The following CDK14 variants were observed in gnomAD, a reference collection of about 807,000 sequenced individuals.
The protein encoded by CDK14 is cyclin dependent kinase 14.
CDK14 carries 34 observed loss-of-function variants against 60.7 expected under a neutral mutation model. The observed-to-expected ratio is 0.56, with a 90% CI of 0.43 to 0.75. The LOEUF (loss-of-function observed/expected upper bound fraction) is 0.75. Among genes scored for constraint, CDK14 ranks in the 30% least tolerant of loss-of-function variants. The pLI, the probability that CDK14 is intolerant of heterozygous loss-of-function variation, is 0.00. For missense variants in CDK14, 482 were observed against 564.1 expected, an observed-to-expected ratio of 0.85 and a Z score of 1.47; for synonymous variants, 197 against 203.7, an observed-to-expected ratio of 0.97 and a Z score of 0.28.
intron 3 of CDK14, among the ~76,000 whole-genome samples, chr7:90,738,634 G>A (rs903013960): frequency 6.6e-6 from 1 of 152,104 alleles, no homozygotes; most frequent in Non-Finnish European, 1.5e-5. Context: ...TTAGCCCTCT[G>A]TATTTCCACG....
At chr7:90,860,896 C>T (rs1016909562) in intron 5 of CDK14, among the ~76,000 whole-genome samples, 1 of 152,134 alleles carries the variant, frequency 6.6e-6, no homozygotes, top group Non-Finnish European at 1.5e-5. Context: ...AGAGGTAAAG[C>T]CAGCTATTCC....
At chr7:90,808,813 A>G (rs1016714071) in intron 5 of CDK14, among the ~76,000 whole-genome samples, 2 of 152,216 alleles carry the variant, frequency 1.3e-5, no homozygotes, top group African/African-American at 4.8e-5. Context: ...CAGGGGTTGC[A>G]ATCCTAGTCT....
At chr7:90,707,042 C>T (rs115741079) in intron 2 of CDK14, among the ~76,000 whole-genome samples, 30 of 152,208 alleles carry the variant, frequency 2.0e-4, no homozygotes, top group African/African-American at 7.2e-4. Context: ...CTGGGCCCAG[C>T]TCTGTTTCTA....
rs142134497 is a variant in CDK14 at position 91,203,334 on chromosome 7, T to G, written c.*29-3831T>G. Among the ~76,000 whole-genome samples the G allele has an allele frequency of 2.3e-4, 35 of 152,298 alleles. No individual in the cohort carries two copies. The East Asian group carries it at 6.6e-3, about 29-fold the overall frequency. Reference sequence around the variant, plus strand: ...GTCTTCTGATTCTACAATTTCCCCTTTATTCATTCAACAACTGTATATTGA... The same window carrying G: ...GTCTTCTGATTCTACAATTTCCCCTGTATTCATTCAACAACTGTATATTGA... On this transcript the variant is annotated intron_variant, in intron 14 of 14. Coordinates refer to ENST00000380050, the MANE Select transcript of CDK14 (RefSeq NM_001287135.2).
chr7:90,805,786 A>G (rs1483556992), intron 5 of CDK14, among the ~76,000 whole-genome samples: 1 of 152,152 alleles, frequency 6.6e-6, no homozygotes, highest in East Asian at 1.9e-4. Context: ...CTGAGCTACA[A>G]TTATATTTCA....
intron 14 of CDK14, among the ~76,000 whole-genome samples, chr7:91,193,500 A>G (rs539081417): frequency 2.0e-5 from 3 of 152,288 alleles, no homozygotes; most frequent in Admixed American, 1.3e-4. Context: ...GGGCAACATT[A>G]AAGACATTTT....
intron 2 of CDK14, among the ~76,000 whole-genome samples, chr7:90,633,163 C>A (rs1800043811): frequency 6.6e-6 from 1 of 151,648 alleles, no homozygotes; most frequent in South Asian, 2.1e-4. Flanking sequence ...TCAATATGTC[C>A]CAAATTAATG....
intron 5 of CDK14, among the ~76,000 whole-genome samples, chr7:90,837,291 C>CTTT (rs1211895994): frequency 3.5e-5 from 5 of 141,664 alleles, no homozygotes; most frequent in African/African-American, 1.0e-4. Flanking sequence ...TTTCTTTTTT[C>CTTT]TTTTTTTTTT....
chr7:90,803,122 A>G (rs1179124951), intron 5 of CDK14, among the ~76,000 whole-genome samples: 1 of 148,728 alleles, frequency 6.7e-6, no homozygotes, highest in Non-Finnish European at 1.5e-5. Context: ...TTTTTCTTGC[A>G]GTATCTAAGA....
intron 12 of CDK14, among the ~76,000 whole-genome samples, chr7:91,098,535 AAAAG>A (rs1799072664): frequency 6.7e-6 from 1 of 149,512 alleles, no homozygotes; most frequent in Non-Finnish European, 1.5e-5. Context: ...GAGAAAAAAA[AAAAG>A]AAATAAAGGC....
intron 1 of CDK14, among the ~76,000 whole-genome samples, chr7:90,598,131 C>A (rs940889479): frequency 6.6e-6 from 1 of 152,192 alleles, no homozygotes; most frequent in African/African-American, 2.4e-5. Flanking sequence ...GTCCATTAAG[C>A]CGTGTTCTAA....
At chr7:91,010,660 A>G (rs1584228074) in intron 10 of CDK14, among the ~76,000 whole-genome samples, 1 of 151,952 alleles carries the variant, frequency 6.6e-6, no homozygotes, top group Non-Finnish European at 1.5e-5. Flanking sequence ...TAGATATTCT[A>G]TGTAAGTTAT....
chr7:91,041,542 T>G (rs1797090730), intron 10 of CDK14, among the ~76,000 whole-genome samples: 1 of 152,188 alleles, frequency 6.6e-6, no homozygotes, highest in African/African-American at 2.4e-5. Flanking sequence ...AGAATATACA[T>G]TTTACATCAT....
At chr7:90,915,829 G>T (rs1793062891) in intron 7 of CDK14, among the ~76,000 whole-genome samples, 1 of 152,132 alleles carries the variant, frequency 6.6e-6, no homozygotes, top group South Asian at 2.1e-4. Context: ...CATTAAAATT[G>T]TTTGAACGTC....
intron 4 of CDK14, among the ~76,000 whole-genome samples, chr7:90,765,887 T>G (rs1232119789): frequency 2.0e-5 from 3 of 152,202 alleles, no homozygotes; most frequent in African/African-American, 7.2e-5. Flanking sequence ...AAGTATATTC[T>G]TGATGGAGAA....
chr7:91,017,287 G>C (rs1171004244), intron 10 of CDK14, among the ~76,000 whole-genome samples: 1 of 152,198 alleles, frequency 6.6e-6, no homozygotes, highest in Non-Finnish European at 1.5e-5. Context: ...GGAAGGAAGA[G>C]AAAGTGGCTA....
intron 2 of CDK14, among the ~76,000 whole-genome samples, chr7:90,652,934 A>G (rs1800674700): frequency 6.6e-6 from 1 of 152,124 alleles, no homozygotes; most frequent in Non-Finnish European, 1.5e-5. Context: ...TGTGTTTTCA[A>G]ATATGCTAGA....
Position 90,677,664 on chromosome 7 carries a change from T to C in CDK14, c.124-48903T>C, listed in dbSNP as rs370968197. ...CTGGAAGCTGTTTTTTTTTTCCCCT[T>C]GTGAATAGGAGGAGGAAAGCCTACC... On this transcript the variant is annotated intron_variant, in intron 2 of 14. Transcript: ENST00000380050. Among the ~76,000 whole-genome samples, 35 of 149,796 alleles carry C rather than the reference T, an allele frequency of 2.3e-4. No homozygotes were observed. The East Asian group carries it at 6.9e-3, about 29-fold the overall frequency.
rs143152723 is a variant in CDK14, at chr7:91,191,566, C to T, written c.*29-15599C>T. Reference sequence around the variant, plus strand: ...TAAGTTATGTACATATGTATATATACATAACTTATTTTCAGAGTAGTTCTT... The same window carrying T: ...TAAGTTATGTACATATGTATATATATATAACTTATTTTCAGAGTAGTTCTT... On this transcript the variant is annotated intron_variant, in intron 14 of 14. Transcript: ENST00000380050. Among the ~76,000 whole-genome samples, 59 of 151,370 alleles carry T rather than the reference C, an allele frequency of 3.9e-4. 1 individual carries two copies. The highest frequency in any genetic ancestry group is 1.4e-3 in the African/African-American group (57 of 41,204).
Sources: allele counts gnomAD v4.1 joint callset (sites outside exome capture counted in the v4.1 genomes callset), GRCh38; gene constraint gnomAD v4.1.1; transcripts MANE v1.5; gene names NCBI Gene and HGNC (gene_info 2026-07-23, HGNC 2026-07-21).